Variants in ADAMTSL3 observed in about 807,000 individuals in gnomAD.
The protein encoded by ADAMTSL3 is ADAMTS-like protein 3.
In ADAMTSL3, 128 loss-of-function variants were observed where a neutral mutation model predicts 201.7. The observed-to-expected ratio is 0.63, with a 90% CI of 0.55 to 0.73. The LOEUF (loss-of-function observed/expected upper bound fraction) is 0.73. Ranked by LOEUF, ADAMTSL3 falls within the 30% of genes least tolerant of loss-of-function variation. The pLI is 0.00. For missense variants in ADAMTSL3, 1,990 were observed against 2,119.6 expected, an observed-to-expected ratio of 0.94 and a Z score of 1.20; for synonymous variants, 738 against 748.4, an observed-to-expected ratio of 0.99 and a Z score of 0.23.
chr15:83,956,679 G>GCACACACA (rs34711242), intron 19 of ADAMTSL3, among the ~76,000 whole-genome samples: 3 of 148,772 alleles, frequency 2.0e-5, no homozygotes, highest in African/African-American at 7.4e-5. Context: ...CACCGCACAG[G>GCACACACA]CACACACACA....
At chr15:83,714,865 C>T (rs1204364762) in intron 3 of ADAMTSL3, among the ~76,000 whole-genome samples, 1,184 of 18,402 alleles carry the variant, frequency 0.064, 43 homozygotes, top group South Asian at 0.14. Flanking sequence ...TCCCTCCCTC[C>T]CTCCCTCCCT....
intron 5 of ADAMTSL3, 58 bp from the exon 6 acceptor site, chr15:83,819,753 C>T: frequency 7.2e-7 from 1 of 1,384,516 alleles, no homozygotes; most frequent in Non-Finnish European, 1.0e-6. Context: ...CTTATTTCAT[C>T]TTCTCTTGGC....
At chr15:83,883,517 T>C (rs1468732447) in intron 9 of ADAMTSL3, among the ~76,000 whole-genome samples, 1 of 131,368 alleles carries the variant, frequency 7.6e-6, no homozygotes, top group Non-Finnish European at 1.5e-5. Flanking sequence ...CCCAATTTTA[T>C]TTCTTTTTTT....
At chr15:83,798,440 A>G (rs79513116) in intron 4 of ADAMTSL3, among the ~76,000 whole-genome samples, 2,869 of 152,332 alleles carry the variant, frequency 0.019, 108 homozygotes, top group African/African-American at 0.066. Context: ...AGTGCATGTC[A>G]TTGCATGTGC....
intron 2 of ADAMTSL3, among the ~76,000 whole-genome samples, chr15:83,677,880 G>A (rs1410739787): frequency 6.6e-6 from 1 of 150,700 alleles, no homozygotes; most frequent in Non-Finnish European, 1.5e-5. Flanking sequence ...CCTTCCTGTG[G>A]GTTACTTGAA....
intron 21 of ADAMTSL3, among the ~76,000 whole-genome samples, chr15:83,987,860 G>A (rs971857950): frequency 6.6e-6 from 1 of 152,108 alleles, no homozygotes; most frequent in Admixed American, 6.6e-5. Context: ...GAAGTGAGAT[G>A]GGGCAGGGGA....
chr15:83,995,615 GA>G (rs1415126751), intron 23 of ADAMTSL3, among the ~76,000 whole-genome samples: 1 of 151,880 alleles, frequency 6.6e-6, no homozygotes, highest in African/African-American at 2.4e-5. Context: ...TACAAAACTA[GA>G]AATATAAAAA....
chr15:83,927,274 A>G (rs1785075816), intron 17 of ADAMTSL3, among the ~76,000 whole-genome samples: 1 of 151,602 alleles, frequency 6.6e-6, no homozygotes, highest in African/African-American at 2.4e-5. Flanking sequence ...ATGCCACCAC[A>G]CCCAGCTAAT....
At position 83,964,567 on chromosome 15, in the gene ADAMTSL3, G is replaced by A. The variant is rs531040403; in HGVS notation, c.2491-5917G>A. On this transcript the variant is annotated intron_variant, in intron 19 of 29. Coordinates refer to ENST00000286744, the MANE Select transcript of ADAMTSL3 (RefSeq NM_207517.3). ...GTTTGTTTGGTGTACCTGAAAGTGA[G>A]GGGAGAATGGAACCAAGTTGGAAAA... Among the ~76,000 whole-genome samples the A allele has an allele frequency of 2.6e-5, 4 of 152,240 alleles. No homozygotes were observed. The South Asian group carries it at 6.2e-4, about 24-fold the overall frequency.
chr15:83,829,819 C>T (rs2064115128), intron 6 of ADAMTSL3, among the ~76,000 whole-genome samples: 2 of 152,184 alleles, frequency 1.3e-5, no homozygotes, highest in Non-Finnish European at 2.9e-5. Context: ...TGTTCAGTTT[C>T]CATGTAGTTG....
At chr15:83,949,657 TC>T (rs2066722554) in intron 19 of ADAMTSL3, among the ~76,000 whole-genome samples, 1 of 152,158 alleles carries the variant, frequency 6.6e-6, no homozygotes, top group African/African-American at 2.4e-5. Flanking sequence ...TTTCTCCACA[TC>T]CCTGCCAACA....
chr15:83,963,041 G>A (rs1184410780), intron 19 of ADAMTSL3, among the ~76,000 whole-genome samples: 14 of 152,276 alleles, frequency 9.2e-5, no homozygotes, highest in Non-Finnish European at 1.9e-4. Context: ...AGATTCCCCC[G>A]GGTGCCTACA....
chr15:84,016,408 C>T lies in ADAMTSL3; in HGVS notation c.4182C>T (p.Ile1394=), dbSNP rs199898161. The T allele has an allele frequency of 5.0e-6, 8 of 1,613,660 alleles. No homozygotes were observed. The highest frequency in any genetic ancestry group is 2.2e-5 in the East Asian group (1 of 44,854). Residue 1394 remains isoleucine, a synonymous_variant, in exon 25 of 30, where the codon ATC becomes ATT. Coordinates refer to ENST00000286744, the MANE Select transcript of ADAMTSL3 (RefSeq NM_207517.3). The part of the protein sequence containing the change: ...LLERRWPESR[I]VFLQGHKKYI... ...AACGAAGATGGCCAGAGAGTAGAAT[C>T]GTATTTCTGCAAGGACATAAAAAGT...
At chr15:83,848,761 T>G (rs1174018335) in intron 7 of ADAMTSL3, among the ~76,000 whole-genome samples, 1 of 152,258 alleles carries the variant, frequency 6.6e-6, no homozygotes, top group East Asian at 1.9e-4. Flanking sequence ...TTCATTAGAA[T>G]GAATGAGGTA....
chr15:83,797,446 C>T (rs1275156235), intron 4 of ADAMTSL3, among the ~76,000 whole-genome samples: 1 of 151,956 alleles, frequency 6.6e-6, no homozygotes, highest in African/African-American at 2.4e-5. Context: ...TCTAAAAATA[C>T]AAAAATTAGC....
At chr15:83,731,247 T>C (rs774611303) in intron 3 of ADAMTSL3, among the ~76,000 whole-genome samples, 67 of 152,126 alleles carry the variant, frequency 4.4e-4, no homozygotes, top group Non-Finnish European at 6.5e-4. Context: ...GATTAAAAAA[T>C]GGGCAAATGG....
intron 8 of ADAMTSL3, chr15:83,862,716 G>A (rs1444500080): frequency 1.3e-5 from 2 of 152,030 alleles, no homozygotes; most frequent in Non-Finnish European, 2.9e-5. Flanking sequence ...ATCAACTAAT[G>A]GGCAAAATAA....
At chr15:83,860,790 C>T (rs1332991643) in intron 8 of ADAMTSL3, among the ~76,000 whole-genome samples, 2 of 152,152 alleles carry the variant, frequency 1.3e-5, no homozygotes, top group Non-Finnish European at 2.9e-5. Flanking sequence ...TACCGGGTTC[C>T]TCTCTCTGGG....
intron 3 of ADAMTSL3, among the ~76,000 whole-genome samples, chr15:83,755,305 T>C (rs2062702503): frequency 6.6e-6 from 1 of 152,228 alleles, no homozygotes; most frequent in Admixed American, 6.5e-5. Context: ...GTGTACAGTT[T>C]AGTGGCATCA....
Sources: allele counts gnomAD v4.1 joint callset (sites outside exome capture counted in the v4.1 genomes callset), GRCh38; gene constraint gnomAD v4.1.1; transcripts MANE v1.5; gene names NCBI Gene and HGNC (gene_info 2026-07-23, HGNC 2026-07-21).